The following UGDH variants were observed in gnomAD, a reference collection of about 807,000 sequenced individuals.
UGDH encodes UDP-Glc dehydrogenase.
A neutral mutation model predicts 50.6 loss-of-function variants in UGDH; 38 were observed. The ratio of observed to expected loss-of-function variants is 0.75; its 90% confidence interval spans 0.58 to 0.98. The LOEUF (loss-of-function observed/expected upper bound fraction) is 0.98. Among genes scored for constraint, UGDH ranks in the 50% least tolerant of loss-of-function variants. The pLI is 0.00. For synonymous variants in UGDH, 168 were observed against 199.9 expected (o/e 0.84, Z 1.35); for missense variants, 465 against 606.2 (o/e 0.77, Z 2.45).
At chr4:39,523,868 T>C (rs1054418570) in intron 1 of UGDH, among the ~76,000 whole-genome samples, 2 of 152,164 alleles carry the variant, frequency 1.3e-5, no homozygotes, top group Non-Finnish European at 2.9e-5. Flanking sequence ...ATTAAATCTG[T>C]TGTAACAAGG....
chr4:39,515,020 A>C (rs1430748805), intron 2 of UGDH, among the ~76,000 whole-genome samples: 1 of 152,002 alleles, frequency 6.6e-6, no homozygotes, highest in African/African-American at 2.4e-5. Flanking sequence ...TCTGTTCCCC[A>C]GGCTGGAGTG....
chr4:39,511,410 G>C (rs112891733), intron 3 of UGDH, among the ~76,000 whole-genome samples: 4 of 151,176 alleles, frequency 2.6e-5, no homozygotes, highest in Admixed American at 1.3e-4. Context: ...ACAGGCATGC[G>C]CCACCACACC....
At chr4:39,503,833 G>T (rs1419792919) in intron 11 of UGDH, 42 bp downstream of exon 11, 1 of 1,573,080 alleles carries the variant, frequency 6.4e-7, no homozygotes, top group East Asian at 2.2e-5. Flanking sequence ...AAACACTAAA[G>T]ACCAAACAAA....
intron 2 of UGDH, among the ~76,000 whole-genome samples, chr4:39,514,542 T>C (rs10022384): frequency 0.72 from 108,836 of 151,690 alleles, 39,229 homozygotes; most frequent in East Asian, 0.9. Flanking sequence ...TATCTTTTTT[T>C]GGCAGAGATG....
In UGDH at chr4:39,500,170, A is replaced by C; in HGVS notation, c.1458T>G (p.Asp486Glu). The change falls in exon 12 of 12, where the codon GAT becomes GAG. Residue 486 changes from aspartate to glutamate, a missense_variant. Transcript: ENST00000316423. ...ACACTTTAGGTTTCTTGTTAGGTGG[A>C]TCTTGAAGACTAAACTTCGGAATTT... Reference protein sequence around the residue: ...SGEIPKFSLQDPPNKKPKV With the variant: ...SGEIPKFSLQEPPNKKPKV 4.4e-6 allele frequency: 7 copies of C among 1,600,398 alleles called. No homozygotes were observed. The highest frequency in any genetic ancestry group is 6.0e-6 in the Non-Finnish European group (7 of 1,172,280).
In UGDH at chr4:39,527,338, C is replaced by G. The variant is rs1746951821; in HGVS notation, c.-63G>C. ...TCCTATCCCGATCGTTCGGACAGCA[C>G]CTTCCTACGGGCCGCGCCGCCGCAG... On this transcript the variant is annotated 5_prime_UTR_variant, in exon 1 of 12. Transcript: ENST00000316423. 1 of 258,342 alleles carries G rather than the reference C, an allele frequency of 3.9e-6. No homozygotes were observed. The highest frequency in any genetic ancestry group is 4.4e-5 in the Admixed American group (1 of 22,722). The allele number at this position is 258,342 out of a possible 1,614,324, so 16.0% of individuals were successfully genotyped here.
intron 1 of UGDH, 104 bp downstream of exon 1, chr4:39,527,179 G>A (rs1043511838): frequency 8.0e-7 from 1 of 1,242,928 alleles, no homozygotes; most frequent in East Asian, 5.6e-5. Context: ...CGCAGCGAGC[G>A]ACCGGGAGCA....
chr4:39,503,447 G>C (rs1745905004), intron 11 of UGDH, among the ~76,000 whole-genome samples: 1 of 152,116 alleles, frequency 6.6e-6, no homozygotes, highest in Admixed American at 6.5e-5. Flanking sequence ...TGAGTACTCA[G>C]AAGGTATAGG....
In UGDH at chr4:39,505,717, C is replaced by G; in HGVS notation, c.938G>C (p.Arg313Thr). Residue 313 changes from arginine (R) to threonine (T), a missense_variant, in exon 8 of 12, where the codon AGG becomes ACG. Physicochemically the swap from Arg to Thr is moderately conservative, Grantham distance 71. Transcript: ENST00000316423. ...VIDMNDYQRRRFASRIIDSLF... is the reference protein window; with the variant it reads ...VIDMNDYQRRTFASRIIDSLF... ...ACTATCTATGATCCGGGAAGCAAAC[C>G]TCCTCCTCTGGTAGTCATTCATGTC... The G allele has an allele frequency of 6.2e-7, 1 of 1,608,866 alleles. No individual in the cohort carries two copies. Among genetic ancestry groups the G allele is most frequent in the Non-Finnish European group, 8.5e-7 (1 of 1,177,124 alleles).
At chr4:39,503,203 C>A (rs567640902) in intron 11 of UGDH, among the ~76,000 whole-genome samples, 2 of 152,220 alleles carry the variant, frequency 1.3e-5, no homozygotes, top group African/African-American at 4.8e-5. Flanking sequence ...GCGTGAGCCA[C>A]CGCGCCCAGC....
chr4:39,500,655 T>TC (rs11412181), intron 11 of UGDH, among the ~76,000 whole-genome samples: 2,953 of 30,164 alleles, frequency 0.098, 43 homozygotes, highest in East Asian at 0.24. Flanking sequence ...ATAATTCTCT[T>TC]TTTTTTTTTT....
At chr4:39,516,942 C>T (rs960911640) in intron 2 of UGDH, among the ~76,000 whole-genome samples, 1 of 152,032 alleles carries the variant, frequency 6.6e-6, no homozygotes, top group East Asian at 1.9e-4. Flanking sequence ...AATTCATATA[C>T]ATATAATAAA....
At chr4:39,500,325 T>C in intron 11 of UGDH, 72 bp from the exon 12 acceptor site, 1 of 949,090 alleles carries the variant, frequency 1.1e-6, no homozygotes, top group South Asian at 1.8e-5. Flanking sequence ...TGTACTGAAA[T>C]GGGAGCAGGG....
chr4:39,522,850 T>A (rs1746722528), intron 1 of UGDH, among the ~76,000 whole-genome samples: 1 of 150,930 alleles, frequency 6.6e-6, no homozygotes, highest in Admixed American at 6.6e-5. Context: ...GCAACCTCCG[T>A]CTCCTGGGTT....
rs112008384 is a variant in UGDH, at chr4:39,506,970, C to A, written c.907-1222G>T. Among the ~76,000 whole-genome samples the A allele has an allele frequency of 9.8e-3, 1,494 of 152,126 alleles. 21 individuals are homozygous for A. The highest frequency in any genetic ancestry group is 0.033 in the African/African-American group (1,349 of 41,492). On this transcript the variant is annotated intron_variant, in intron 7 of 11. Transcript: ENST00000316423. ...CCCAAGAGTTGGAATCTAGGCTGGACAACACAGTGAGACCCTGTCTCTAAA... is the reference window on the plus strand; with the variant it reads ...CCCAAGAGTTGGAATCTAGGCTGGAAAACACAGTGAGACCCTGTCTCTAAA...
At chr4:39,504,391 C>T (rs1745947893) in intron 10 of UGDH, 26 bp downstream of exon 10, 6 of 1,604,478 alleles carry the variant, frequency 3.7e-6, no homozygotes, top group Non-Finnish European at 3.4e-6. Flanking sequence ...CTAGAATTTT[C>T]CTTAGTATCT....
Position 39,500,027 on chromosome 4 carries a change from C to CA in UGDH, c.*115dup, listed in dbSNP as rs58175625. 205,083 of 475,280 alleles carry CA rather than the reference C, an allele frequency of 0.43. 27,936 individuals are homozygous for CA. Among genetic ancestry groups the CA allele is most frequent in the Admixed American group, 0.47 (11,558 of 24,624 alleles). The allele number at this position is 475,280 out of a possible 1,614,324, so 29.4% of individuals were successfully genotyped here. A position where few individuals can be genotyped will look rare whatever the true frequency, so the allele number is the denominator to read the frequency against. ...CCTGGGCAACAGTGAGACTCTGTCT[C>CA]AAAAAAAAAACAAAAAAAAACACTT... On this transcript the variant is annotated 3_prime_UTR_variant, in exon 12 of 12. Transcript: ENST00000316423.
At chr4:39,507,814 C>T (rs62308016) in intron 7 of UGDH, among the ~76,000 whole-genome samples, 1 of 151,704 alleles carries the variant, frequency 6.6e-6, no homozygotes, top group East Asian at 1.9e-4. Context: ...AAAAAATTAG[C>T]CAATGTGGTG....
intron 1 of UGDH, among the ~76,000 whole-genome samples, chr4:39,524,711 G>A (rs1164071146): frequency 6.6e-6 from 1 of 152,136 alleles, no homozygotes; most frequent in African/African-American, 2.4e-5. Flanking sequence ...TTTTCACCAT[G>A]TGGGCCAGGC....
Sources: gnomAD v4.1 joint callset for allele counts (sites outside exome capture counted in the v4.1 genomes callset) on GRCh38, gnomAD v4.1.1 for gene constraint, MANE v1.5 for transcripts, NCBI Gene and HGNC (gene_info 2026-07-23, HGNC 2026-07-21) for gene names.